The following KIFC2 variants were observed in gnomAD, a reference collection of about 807,000 sequenced individuals.
The protein encoded by KIFC2 is kinesin family member C2.
A neutral mutation model predicts 91.5 loss-of-function variants in KIFC2; 94 were observed. The observed-to-expected ratio is 1.03, with a 90% CI of 0.87 to 1.22. The LOEUF is 1.22. KIFC2 is among the 50% of genes most tolerant of loss of function. The probability of loss-of-function intolerance (pLI) is 0.00; values close to 1 mark genes in which losing one functional copy is unlikely to be tolerated. For missense variants in KIFC2, 1,357 were observed against 1,103.3 expected, an observed-to-expected ratio of 1.23 and a Z score of -3.26; for synonymous variants, 729 against 503.9, an observed-to-expected ratio of 1.45 and a Z score of -5.98.
In KIFC2 at chr8:144,468,369, A is replaced by G. The variant is rs369989868; in HGVS notation, c.851A>G (p.Gln284Arg). 5.0e-6 allele frequency: 8 copies of G among 1,612,890 alleles called. No individual in the cohort carries two copies. Among genetic ancestry groups the G allele is most frequent in the Middle Eastern group, 1.6e-4 (1 of 6,062 alleles). ...EALLELQGRLQEAQDTTEALR... is the reference protein window; with the variant it reads ...EALLELQGRLREAQDTTEALR... ...TTGCTAGAGCTCCAGGGCCGGCTTC[A>G]GGAGGCCCAAGACACCACAGAAGCC... Residue 284 changes from glutamine to arginine, a missense_variant, in exon 8 of 18, where the codon CAG (glutamine) becomes CGG (arginine). Gln to Arg is a conservative substitution (Grantham distance 43). Coordinates refer to ENST00000645548, the MANE Select transcript of KIFC2 (RefSeq NM_001369769.2).
intron 12 of KIFC2, among the ~76,000 whole-genome samples, chr8:144,470,961 C>CT (rs879589552): frequency 8.7e-4 from 131 of 150,542 alleles, no homozygotes; most frequent in African/African-American, 2.6e-3. Context: ...CATCTGGGCT[C>CT]TTTTTTTTTT....
Position 144,469,378 on chromosome 8 carries a change from G to A in KIFC2, c.1221G>A (p.Lys407=). 1 of 1,611,688 alleles carries A rather than the reference G, an allele frequency of 6.2e-7. No homozygotes were observed. Among genetic ancestry groups the A allele is most frequent in the Non-Finnish European group, 8.5e-7 (1 of 1,179,332 alleles). ...GCCCAGGGCGGCTGCCAGAACTCAA[G>A]GGTATGACAGGCTTGGGAGCCTAGC... is the stretch of plus-strand genomic sequence containing the variant. ...AGCPGRLPEL[K]GNIRVLCRLR... The change falls in exon 11 of 18, where the codon AAG becomes AAA. Residue 407 remains lysine (K), a splice_region_variant and synonymous_variant. Coordinates refer to ENST00000645548, the MANE Select transcript of KIFC2 (RefSeq NM_001369769.2).
At position 144,472,603 on chromosome 8, in the gene KIFC2, GGCCACCGCC is replaced by G. The variant is rs1554886051; in HGVS notation, c.1768_1776del (p.Ala590_Ala592del). The G allele has an allele frequency of 1.9e-6, 3 of 1,607,218 alleles. No homozygotes were observed. The highest frequency in any genetic ancestry group is 2.2e-5 in the South Asian group (2 of 91,064). On this transcript the variant is annotated inframe_deletion, in exon 16 of 18. Transcript: ENST00000645548. ...TGCTGAAACTGGGGAGGAGCAACCG[GGCCACCGCC>G]GCCACCGCCATGAACCAGCGCAGCT...
At chr8:144,466,653 G>A (rs1247038439) in intron 1 of KIFC2, 107 bp from the exon 2 acceptor site, 1 of 1,051,084 alleles carries the variant, frequency 9.5e-7, no homozygotes, top group Admixed American at 3.7e-5. Flanking sequence ...CGGCCCCGAT[G>A]CTGGAAGCGT....
chr8:144,467,538 C>A lies in KIFC2; in HGVS notation c.523C>A (p.Pro175Thr), dbSNP rs750739858. The A allele has an allele frequency of 1.1e-5, 17 of 1,603,074 alleles. No individual in the cohort carries two copies. The South Asian group carries it at 1.9e-4, about 18-fold the overall frequency. ...CCACTTCACCGCAGTCCCAGGCGAG[C>A]CACTGGGGGATGAGACCCAGGGACA... is the stretch of plus-strand genomic sequence containing the variant. ...PSHFTAVPGE[P>T]LGDETQGQQP... is the part of the protein sequence containing the mutation. Residue 175 changes from proline to threonine, a missense_variant, in exon 5 of 18, where the codon CCA (proline) becomes ACA (threonine). Coordinates refer to ENST00000645548, the MANE Select transcript of KIFC2 (RefSeq NM_001369769.2).
At chr8:144,468,204 C>T (rs1359043867) in intron 7 of KIFC2, 125 bp from the exon 8 acceptor site, 5 of 1,049,970 alleles carry the variant, frequency 4.8e-6, no homozygotes, top group South Asian at 1.5e-5. Flanking sequence ...AGGAGGTCTG[C>T]GTGGAGCTGG....
rs1397486985 is a variant in KIFC2 at position 144,468,794 on chromosome 8, C to T, written c.1073C>T (p.Thr358Ile). 1.9e-6 allele frequency: 3 copies of T among 1,614,050 alleles called. No homozygotes were observed. The highest frequency in any genetic ancestry group is 2.2e-5 in the East Asian group (1 of 44,878). The change falls in exon 10 of 18, where the codon ACC (threonine) becomes ATC (isoleucine). Residue 358 changes from threonine to isoleucine, a missense_variant. Physicochemically the swap from Thr to Ile is moderately conservative, Grantham distance 89. Coordinates refer to ENST00000645548, the MANE Select transcript of KIFC2 (RefSeq NM_001369769.2). ...CTCCGAGGTTTGGTCAGCACCTTTA[C>T]CCAGAGCTGTCAGGGTTCGCTGAGT... ...GDLRGLVSTF[T>I]QSCQGSLSEA...
chr8:144,466,474 G>C lies in KIFC2; in HGVS notation c.55G>C (p.Asp19His). 12 of 1,346,024 alleles carry C rather than the reference G, an allele frequency of 8.9e-6. No homozygotes were observed. The highest frequency in any genetic ancestry group is 1.1e-5 in the Non-Finnish European group (11 of 1,038,868). The allele number at this position is 1,346,024 out of a possible 1,614,324, so 83.4% of individuals were successfully genotyped here. The change falls in exon 1 of 18, where the codon GAT becomes CAT. Residue 19 changes from aspartate to histidine, a missense_variant. Asp to His is a moderately conservative substitution (Grantham distance 81). Transcript: ENST00000645548. Reference protein sequence around the residue: ...IYIFYSLFRRDGGAAAAAEPG... With the variant: ...IYIFYSLFRRHGGAAAAAEPG... Reference sequence around the variant, plus strand: ...CATCTTCTACAGCCTCTTCCGCAGGGATGGTGGCGCCGCGGCGGCCGCGGA... The same window carrying C: ...CATCTTCTACAGCCTCTTCCGCAGGCATGGTGGCGCCGCGGCGGCCGCGGA...
chr8:144,473,375 GGCCTGC>G lies in KIFC2; in HGVS notation c.2363_2368del (p.Gly788_Pro790delinsAla). On this transcript the variant is annotated inframe_deletion, in exon 18 of 18. Transcript: ENST00000645548. ...GGGCTCGGCTCTCGCGCCCGCAGAGGGCCTGCCCCTCTAGTCCTGGGTCGCGGCCCT... is the reference window on the plus strand; with the variant it reads ...GGGCTCGGCTCTCGCGCCCGCAGAGGCCCTCTAGTCCTGGGTCGCGGCCCT... The G allele has an allele frequency of 6.3e-7, 1 of 1,578,586 alleles. No homozygotes were observed. Among genetic ancestry groups the G allele is most frequent in the Non-Finnish European group, 8.6e-7 (1 of 1,166,772 alleles).
intron 12 of KIFC2, among the ~76,000 whole-genome samples, chr8:144,470,960 T>C (rs1235338932): frequency 2.6e-5 from 4 of 151,870 alleles, no homozygotes; most frequent in Admixed American, 6.6e-5. Flanking sequence ...ACATCTGGGC[T>C]CTTTTTTTTT....
rs538420224 is a variant in KIFC2, at chr8:144,468,325, G to T, written c.811-4G>T. On this transcript the variant is annotated splice_region_variant and splice_polypyrimidine_tract_variant and intron_variant, in intron 7 of 17. Transcript: ENST00000645548. ...AGTCCCTCCTGGCCCCCACCCTCCC[G>T]CAGGAGGAGGCAGAGGCATTGCTAG... 23 of 1,608,630 alleles carry T rather than the reference G, an allele frequency of 1.4e-5. No homozygotes were observed. Among genetic ancestry groups the T allele is most frequent in the Non-Finnish European group, 1.9e-5 (22 of 1,177,904 alleles).
intron 11 of KIFC2, 46 bp from the exon 12 acceptor site, chr8:144,469,444 G>A (rs1824837364): frequency 1.9e-6 from 3 of 1,613,384 alleles, no homozygotes; most frequent in Admixed American, 1.7e-5. Flanking sequence ...GCTTCTCTGT[G>A]CTTTAGGGTC....
At position 144,471,949 on chromosome 8, in the gene KIFC2, G is replaced by C. The variant is rs770584382; in HGVS notation, c.1388G>C (p.Arg463Thr). 4.7e-5 allele frequency: 76 copies of C among 1,613,114 alleles called. No homozygotes were observed. The highest frequency in any genetic ancestry group is 6.2e-5 in the Non-Finnish European group (73 of 1,179,948). ...PPDASQEEVF[R>T]ELEPAVLSCL... is the part of the protein sequence containing the mutation. ...TTCTCCCGCCTCCCGCAGGTCTTCAGAGAGCTGGAACCTGCGGTGCTGTCC... is the reference window on the plus strand; with the variant it reads ...TTCTCCCGCCTCCCGCAGGTCTTCACAGAGCTGGAACCTGCGGTGCTGTCC... Residue 463 changes from arginine to threonine, a missense_variant, in exon 13 of 18, where the codon AGA becomes ACA. Coordinates refer to ENST00000645548, the MANE Select transcript of KIFC2 (RefSeq NM_001369769.2).
chr8:144,467,816 G>A, intron 6 of KIFC2, 37 bp downstream of exon 6: 1 of 1,613,526 alleles, frequency 6.2e-7, no homozygotes, highest in Non-Finnish European at 8.5e-7. Flanking sequence ...GCCGGGCATG[G>A]AGGGGGTGCT....
At position 144,466,506 on chromosome 8, in the gene KIFC2, G is replaced by C. The variant is rs1406365597; in HGVS notation, c.87G>C (p.Gly29=). Residue 29 remains glycine (G), a synonymous_variant, in exon 1 of 18, where the codon GGG becomes GGC. Transcript: ENST00000645548. ...DGGAAAAAEP[G]DPAQRARKPR... is the part of the protein sequence containing the mutation. ...GCGCCGCGGCGGCCGCGGAGCCCGG[G>C]GACCCCGCCCAGGTGAGCGGGGCTG... 1 of 1,301,572 alleles carries C rather than the reference G, an allele frequency of 7.7e-7. No homozygotes were observed. 80.6% of individuals were successfully genotyped at this position (1,301,572 alleles called of 1,614,324 possible).
chr8:144,471,827 C>T (rs1586724036), intron 12 of KIFC2, 115 bp from the exon 13 acceptor site: 1 of 867,290 alleles, frequency 1.2e-6, no homozygotes, highest in East Asian at 2.5e-5. Flanking sequence ...GAGCCATCCT[C>T]CCAGGAGACT....
Position 144,472,410 on chromosome 8 carries a change from C to G in KIFC2, c.1657C>G (p.Pro553Ala), listed in dbSNP as rs896680571. ...CGAGCGCCTGGCCGTGAGGCAGGGC[C>G]CAGAAGGCCAGGGCGGGATCCAGGT... ...PPERLAVRQG[P>A]EGQGGIQVAG... Residue 553 changes from proline (P) to alanine (A), a missense_variant, in exon 15 of 18, where the codon CCA becomes GCA. By Grantham distance (27) the Pro-to-Ala change is conservative. Transcript: ENST00000645548. The G allele has an allele frequency of 6.2e-6, 10 of 1,613,038 alleles. No homozygotes were observed. Among genetic ancestry groups the G allele is most frequent in the Non-Finnish European group, 7.6e-6 (9 of 1,179,838 alleles).
At chr8:144,466,689 C>T in intron 1 of KIFC2, 71 bp from the exon 2 acceptor site, 1 of 1,301,072 alleles carries the variant, frequency 7.7e-7, no homozygotes, top group Admixed American at 2.7e-5. Context: ...TCCTCCGGCC[C>T]GGTTCGCGGA....
rs200337591 is a variant in KIFC2 at position 144,468,573 on chromosome 8, G to T, written c.926G>T (p.Gly309Val). The change falls in exon 9 of 18, where the codon GGG becomes GTG. Residue 309 changes from glycine (G) to valine (V), a missense_variant. Transcript: ENST00000645548. Reference protein sequence around the residue: ...VQEVQLQGLQGALQQLQQETE... With the variant: ...VQEVQLQGLQVALQQLQQETE... Reference sequence around the variant, plus strand: ...GAGGTGCAGCTGCAGGGCCTTCAAGGGGCCCTCCAGCAGCTCCAGCAGGAG... The same window carrying T: ...GAGGTGCAGCTGCAGGGCCTTCAAGTGGCCCTCCAGCAGCTCCAGCAGGAG... The T allele has an allele frequency of 6.2e-7, 1 of 1,606,332 alleles. No homozygotes were observed. Among genetic ancestry groups the T allele is most frequent in the African/African-American group, 1.3e-5 (1 of 74,794 alleles).
Sources: allele counts gnomAD v4.1 joint callset (sites outside exome capture counted in the v4.1 genomes callset), GRCh38; gene constraint gnomAD v4.1.1; transcripts MANE v1.5; gene names NCBI Gene and HGNC (gene_info 2026-07-23, HGNC 2026-07-21).